Variants in SVIL observed in about 807,000 individuals in gnomAD.
SVIL encodes archvillin.
Under a neutral mutation model 240.4 loss-of-function variants are expected in SVIL, and 101 were observed. The observed-to-expected ratio is 0.42, with a 90% CI of 0.36 to 0.50. The LOEUF is 0.50. Ranked by LOEUF, SVIL falls within the 20% of genes least tolerant of loss-of-function variation. SVIL has a pLI of 0.01. For missense variants in SVIL, 2,512 were observed against 2,818.7 expected (o/e 0.89, Z 2.46); for synonymous variants, 999 against 1,100.0 (o/e 0.91, Z 1.82).
Position 29,487,240 on chromosome 10 carries a change from C to T in SVIL, c.4408G>A (p.Asp1470Asn), listed in dbSNP as rs370827091. Residue 1470 changes from aspartate to asparagine, a missense_variant, in exon 24 of 38, where the codon GAC becomes AAC. By Grantham distance (23) the Asp-to-Asn change is conservative. Around this residue, in one of 3 missense-constraint regions of SVIL, gnomAD observed 272 missense variants for 406.8 expected, o/e 0.67. Coordinates refer to ENST00000355867, the MANE Select transcript of SVIL (RefSeq NM_021738.3). ...TGGGGAGAGAGCAGGAGGAAGCAGT[C>T]CCCACTGTTGAGCGCCGAAGCTCGA... Reference protein sequence around the residue: ...EPRASALNSGDCFLLLSPHCC... With the variant: ...EPRASALNSGNCFLLLSPHCC... 17 of 1,614,018 alleles carry T rather than the reference C, an allele frequency of 1.1e-5. 1 individual carries two copies. The South Asian group carries it at 1.2e-4, about 11-fold the overall frequency.
In SVIL at chr10:29,555,033, C is replaced by A. The variant is rs1417920148; in HGVS notation, c.8+18G>T. 6.2e-7 allele frequency: 1 copy of A among 1,613,010 alleles called. No homozygotes were observed. The highest frequency in any genetic ancestry group is 2.2e-5 in the East Asian group (1 of 44,892). On this transcript the variant is annotated intron_variant, in intron 4 of 37. Coordinates refer to ENST00000355867, the MANE Select transcript of SVIL (RefSeq NM_021738.3). Reference sequence around the variant, plus strand: ...CAAGCTCTCTTCTACTTCCTAACTCCCACTATAAAGATCTTACCTTTTCAT... The same window carrying A: ...CAAGCTCTCTTCTACTTCCTAACTCACACTATAAAGATCTTACCTTTTCAT...
intron 24 of SVIL, among the ~76,000 whole-genome samples, 189 bp from the exon 25 acceptor site, chr10:29,486,746 A>G (rs1206429139): frequency 2.0e-5 from 3 of 152,234 alleles, no homozygotes; most frequent in Non-Finnish European, 2.9e-5. Context: ...ACCAGGGAGT[A>G]TCAATTCTTT....
upstream of SVIL, among the ~76,000 whole-genome samples, chr10:29,638,360 G>A (rs888699762): frequency 6.6e-6 from 1 of 152,054 alleles, no homozygotes; most frequent in South Asian, 2.1e-4. Flanking sequence ...CAGCTTCTCG[G>A]GAGGCTGAGG....
At chr10:29,699,503 C>G (rs1041057091) in intron 1 of SVIL, among the ~76,000 whole-genome samples, 3 of 152,122 alleles carry the variant, frequency 2.0e-5, no homozygotes, top group Non-Finnish European at 1.5e-5. Context: ...GGGGTTTCGC[C>G]ATGTTGGCCA....
chr10:29,726,632 A>C (rs1171919446), intron 1 of SVIL, among the ~76,000 whole-genome samples: 1 of 152,098 alleles, frequency 6.6e-6, no homozygotes, highest in Admixed American at 6.6e-5. Flanking sequence ...CTGTAATCCC[A>C]GCTACTCGGG....
At chr10:29,632,184 T>C (rs561735125) in intron 1 of SVIL, among the ~76,000 whole-genome samples, 424 of 152,100 alleles carry the variant, frequency 2.8e-3, no homozygotes, top group Non-Finnish European at 5.5e-3. Context: ...ATGCAATTCC[T>C]CAACTGTAGA....
intron 3 of SVIL, among the ~76,000 whole-genome samples, chr10:29,556,534 C>T (rs1202994914): frequency 6.6e-6 from 1 of 152,108 alleles, no homozygotes; most frequent in Non-Finnish European, 1.5e-5. Context: ...TAAGTGATAG[C>T]CACCTTAAAA....
intron 1 of SVIL, among the ~76,000 whole-genome samples, chr10:29,692,636 GTA>G (rs1564768094): frequency 6.7e-6 from 1 of 149,362 alleles, no homozygotes; most frequent in African/African-American, 2.4e-5. Flanking sequence ...TTATTTATAT[GTA>G]TATATGATAT....
chr10:29,698,961 C>T (rs1209085821), intron 1 of SVIL, among the ~76,000 whole-genome samples: 1 of 152,166 alleles, frequency 6.6e-6, no homozygotes, highest in Non-Finnish European at 1.5e-5. Context: ...CGGCGGGCTG[C>T]ATAAAGCACC....
At chr10:29,597,170 C>T (rs767944285) in intron 1 of SVIL, among the ~76,000 whole-genome samples, 11 of 152,110 alleles carry the variant, frequency 7.2e-5, no homozygotes, top group Non-Finnish European at 1.5e-4. Context: ...TGGGCATACG[C>T]GTTAAGAGAC....
chr10:29,676,596 T>C (rs1960225020), intron 2 of SVIL, among the ~76,000 whole-genome samples: 1 of 152,084 alleles, frequency 6.6e-6, no homozygotes, highest in Non-Finnish European at 1.5e-5. Flanking sequence ...TACAAAAAAA[T>C]CCACAAGGGT....
Position 29,486,516 on chromosome 10 carries a change from A to G in SVIL, c.4527T>C (p.Leu1509=), listed in dbSNP as rs1947416315. The part of the protein sequence containing the change: ...LATLIQTKRE[L]GCRATYIQTI... ...TTTGGATATAAGTAGCTCTACAACCAAGTTCCCTCTTTGTCTGAATTAAAG... is the reference window on the plus strand; with the variant it reads ...TTTGGATATAAGTAGCTCTACAACCGAGTTCCCTCTTTGTCTGAATTAAAG... Residue 1509 remains leucine, a synonymous_variant, in exon 25 of 38, where the codon CTT becomes CTC. Transcript: ENST00000355867. The G allele has an allele frequency of 6.2e-7, 1 of 1,614,206 alleles. No individual in the cohort carries two copies. The highest frequency in any genetic ancestry group is 8.5e-7 in the Non-Finnish European group (1 of 1,180,026).
intron 6 of SVIL, among the ~76,000 whole-genome samples, chr10:29,550,035 A>G (rs1230040476): frequency 2.1e-5 from 3 of 146,332 alleles, no homozygotes; most frequent in Non-Finnish European, 4.5e-5. Flanking sequence ...AAAAAAAAAA[A>G]AAGAATTACG....
rs778234567 is a variant in SVIL at position 29,470,491 on chromosome 10, G to GGGCACCGGCGGCGCGGAGGA, written c.5636-28_5636-9dup. 6.2e-6 allele frequency: 10 copies of GGGCACCGGCGGCGCGGAGGA among 1,613,816 alleles called. No individual in the cohort carries two copies. Among genetic ancestry groups the GGGCACCGGCGGCGCGGAGGA allele is most frequent in the Non-Finnish European group, 8.5e-6 (10 of 1,180,026 alleles). On this transcript the variant is annotated splice_polypyrimidine_tract_variant and intron_variant, in intron 31 of 37. Coordinates refer to ENST00000355867, the MANE Select transcript of SVIL (RefSeq NM_021738.3). ...AGTACAGCCGCCACTCACCTGCAGG[G>GGGCACCGGCGGCGCGGAGGA]GGCACCGGCGGCGCGGAGGAGTTAG...
At chr10:29,614,825 C>T (rs1407925896) in intron 1 of SVIL, among the ~76,000 whole-genome samples, 1 of 152,086 alleles carries the variant, frequency 6.6e-6, no homozygotes, top group African/African-American at 2.4e-5. Flanking sequence ...ATCCTTGCAG[C>T]TTATGGTTAA....
intron 18 of SVIL, chr10:29,496,525 C>T (rs12414470): frequency 0.2 from 83,721 of 419,180 alleles, 9,149 homozygotes; most frequent in East Asian, 0.32. Context: ...CCATCCGTGT[C>T]CTGGCCGGTG....
intron 20 of SVIL, 90 bp from the exon 21 acceptor site, chr10:29,493,481 C>G (rs1948154015): frequency 7.1e-6 from 10 of 1,412,598 alleles, no homozygotes; most frequent in African/African-American, 2.8e-5. Flanking sequence ...CTATTGCCTC[C>G]TAAGTTCCAG....
chr10:29,514,490 T>G (rs896935424), intron 16 of SVIL, among the ~76,000 whole-genome samples: 1 of 152,154 alleles, frequency 6.6e-6, no homozygotes, highest in East Asian at 1.9e-4. Flanking sequence ...AATTCTTCCA[T>G]GTCAGCCTCC....
At position 29,499,154 on chromosome 10, in the gene SVIL, G is replaced by A. The variant is rs767673427; in HGVS notation, c.3626C>T (p.Ser1209Leu). The change falls in exon 18 of 38, where the codon TCG becomes TTG. Residue 1209 changes from serine to leucine, a missense_variant. By Grantham distance (145) the Ser-to-Leu change is moderately radical (BLOSUM62 -2). This residue lies in a region of SVIL where 272 missense variants were observed against 406.8 expected (regional missense o/e 0.67). Coordinates refer to ENST00000355867, the MANE Select transcript of SVIL (RefSeq NM_021738.3). ...KTRGRGAANDSTQFTVAGRMV... is the reference protein window; with the variant it reads ...KTRGRGAANDLTQFTVAGRMV... ...CCTGCCAGCCACAGTGAACTGGGTCGAGTCGTTGGCCGCTCCTCTGCCTCT... is the reference window on the plus strand; with the variant it reads ...CCTGCCAGCCACAGTGAACTGGGTCAAGTCGTTGGCCGCTCCTCTGCCTCT... The A allele has an allele frequency of 3.0e-5, 49 of 1,613,850 alleles. No individual in the cohort carries two copies. The Admixed American group carries it at 4.0e-4, about 13-fold the overall frequency.
Sources: allele counts gnomAD v4.1 joint callset (sites outside exome capture counted in the v4.1 genomes callset), GRCh38; gene constraint gnomAD v4.1.1; regional missense constraint gnomAD v4.1.1; transcripts MANE v1.5; gene names NCBI Gene and HGNC (gene_info 2026-07-23, HGNC 2026-07-21).